The following CLSTN1 variants were observed in gnomAD, a reference collection of about 807,000 sequenced individuals.
The protein encoded by CLSTN1 is calsyntenin-1.
In CLSTN1, 28 loss-of-function variants were observed where a neutral mutation model predicts 108.3. That is an observed-to-expected ratio of 0.26 (90% CI 0.19 to 0.35). The LOEUF (loss-of-function observed/expected upper bound fraction) is 0.35. CLSTN1 is among the 10% of genes least tolerant of loss of function. The pLI, the probability that CLSTN1 is intolerant of heterozygous loss-of-function variation, is 1.00. For missense variants in CLSTN1, 1,157 were observed against 1,302.6 expected, an observed-to-expected ratio of 0.89 and a Z score of 1.72; for synonymous variants, 524 against 534.9, an observed-to-expected ratio of 0.98 and a Z score of 0.28.
intron 7 of CLSTN1, among the ~76,000 whole-genome samples, chr1:9,747,176 CAAAAAAA>C (rs70998306): frequency 3.7e-4 from 12 of 32,724 alleles, no homozygotes; most frequent in Admixed American, 1.4e-3. Flanking sequence ...GAGACTGTCT[CAAAAAAA>C]AAAAAAAAAA....
chr1:9,823,517 G>T lies in CLSTN1; in HGVS notation c.91+126C>A. The T allele has an allele frequency of 2.0e-6, 1 of 504,750 alleles. No homozygotes were observed. Among genetic ancestry groups the T allele is most frequent in the Non-Finnish European group, 2.7e-6 (1 of 374,936 alleles). The allele number at this position is 504,750 out of a possible 1,614,324, so 31.3% of individuals were successfully genotyped here. On this transcript the variant is annotated intron_variant, in intron 1 of 18. Coordinates refer to ENST00000377298, the MANE Select transcript of CLSTN1 (RefSeq NM_001009566.3). The surrounding 1 kb of genome is among the most constrained non-coding windows in gnomAD (Gnocchi z 6.3). Reference sequence around the variant, plus strand: ...CTCGGACCCGACTCCCCGCATCCCGGCTCGAATCCCGGCATCCGGCCCTAC... The same window carrying T: ...CTCGGACCCGACTCCCCGCATCCCGTCTCGAATCCCGGCATCCGGCCCTAC...
At chr1:9,773,564 A>T (rs1652793575) in intron 1 of CLSTN1, among the ~76,000 whole-genome samples, 170 bp from the exon 2 acceptor site, 1 of 152,188 alleles carries the variant, frequency 6.6e-6, no homozygotes, top group Non-Finnish European at 1.5e-5. Flanking sequence ...AATGAGATGA[A>T]ATTCTAAATT....
intron 1 of CLSTN1, among the ~76,000 whole-genome samples, chr1:9,797,533 T>A (rs1654064224): frequency 6.6e-6 from 1 of 151,614 alleles, no homozygotes; most frequent in South Asian, 2.1e-4. Context: ...CTCATCTACT[T>A]GGGAGGCTCA....
At chr1:9,812,477 A>G (rs1253475313) in intron 1 of CLSTN1, among the ~76,000 whole-genome samples, 1 of 152,154 alleles carries the variant, frequency 6.6e-6, no homozygotes, top group African/African-American at 2.4e-5. Context: ...TCTGTCATCT[A>G]GTTTTATCAA....
intron 17 of CLSTN1, 138 bp downstream of exon 17, chr1:9,731,623 T>G: frequency 1.0e-6 from 1 of 984,796 alleles, no homozygotes; most frequent in South Asian, 1.5e-5. Context: ...GGCTTTAGTT[T>G]CCTTGTGTGT....
At chr1:9,735,372 A>C in intron 13 of CLSTN1, 95 bp downstream of exon 13, 1 of 1,538,152 alleles carries the variant, frequency 6.5e-7, no homozygotes, top group Admixed American at 1.7e-5. Flanking sequence ...ACGATGGCTC[A>C]CCTTTCCTTA....
chr1:9,743,752 T>G, intron 9 of CLSTN1, 132 bp downstream of exon 9: 1 of 936,882 alleles, frequency 1.1e-6, no homozygotes, highest in Non-Finnish European at 1.6e-6. Context: ...GGACAGGATC[T>G]TAGTAATGTT....
intron 2 of CLSTN1, among the ~76,000 whole-genome samples, chr1:9,758,902 G>GCCTCT (rs1207252370): frequency 6.6e-6 from 1 of 152,160 alleles, no homozygotes; most frequent in Non-Finnish European, 1.5e-5. Context: ...GTCTACAAGA[G>GCCTCT]CCTCTGTACG....
chr1:9,799,232 A>G (rs1654145708), intron 1 of CLSTN1, among the ~76,000 whole-genome samples: 1 of 152,070 alleles, frequency 6.6e-6, no homozygotes, highest in African/African-American at 2.4e-5. Context: ...AGGCAAATAC[A>G]CAAGGAATCA....
chr1:9,733,962 C>T lies in CLSTN1; in HGVS notation c.2281+10G>A, dbSNP rs2101076046. The T allele has an allele frequency of 1.2e-6, 2 of 1,603,576 alleles. No homozygotes were observed. Among genetic ancestry groups the T allele is most frequent in the Admixed American group, 1.7e-5 (1 of 58,776 alleles). ...CTGGCCCACCTGCGTGGCTGCAGCG[C>T]TCCCCTTACCTGTGAAGGTCATGCC... On this transcript the variant is annotated intron_variant, in intron 15 of 18. Coordinates refer to ENST00000377298, the MANE Select transcript of CLSTN1 (RefSeq NM_001009566.3).
Position 9,741,077 on chromosome 1 carries a change from G to A in CLSTN1, c.1519+17C>T, listed in dbSNP as rs777175527. Reference sequence around the variant, plus strand: ...AACTTAATTCTCGAGTCGAGGGCGGGGGGTAATGACAGGTACCTTGCCAGC... The same window carrying A: ...AACTTAATTCTCGAGTCGAGGGCGGAGGGTAATGACAGGTACCTTGCCAGC... On this transcript the variant is annotated intron_variant, in intron 10 of 18. Coordinates refer to ENST00000377298, the MANE Select transcript of CLSTN1 (RefSeq NM_001009566.3). The A allele has an allele frequency of 1.4e-5, 23 of 1,607,634 alleles. No individual in the cohort carries two copies. The highest frequency in any genetic ancestry group is 4.5e-5 in the East Asian group (2 of 44,724).
intron 2 of CLSTN1, among the ~76,000 whole-genome samples, chr1:9,767,309 G>A (rs546426990): frequency 2.1e-4 from 32 of 152,290 alleles, no homozygotes; most frequent in Admixed American, 1.6e-3. Context: ...TTGGGAGGCC[G>A]AGGCGGGCAG....
At position 9,749,449 on chromosome 1, in the gene CLSTN1, T is replaced by C; in HGVS notation, c.985+12A>G. On this transcript the variant is annotated intron_variant, in intron 7 of 18. Coordinates refer to ENST00000377298, the MANE Select transcript of CLSTN1 (RefSeq NM_001009566.3). ...AAAGCCAGCCGGATGCAAGAACGCC[T>C]GGTCTCCTTACCACAGAGCCGGTGG... The C allele has an allele frequency of 6.3e-7, 1 of 1,595,384 alleles. No homozygotes were observed. Among genetic ancestry groups the C allele is most frequent in the Non-Finnish European group, 8.5e-7 (1 of 1,173,626 alleles).
At chr1:9,822,607 T>C (rs141469659) in intron 1 of CLSTN1, among the ~76,000 whole-genome samples, 1 of 152,190 alleles carries the variant, frequency 6.6e-6, no homozygotes, top group African/African-American at 2.4e-5. Context: ...CCTAGATTAC[T>C]CTGCTCTAAG....
Position 9,729,433 on chromosome 1 carries a change from G to C in CLSTN1, c.*1075C>G, listed in dbSNP as rs1279774630. ...CCCCTGATGGCAGGGGGTGCTCTGG[G>C]GAGGAGAGAGGAGAGAACAGGCTGT... On this transcript the variant is annotated 3_prime_UTR_variant, in exon 19 of 19. Coordinates refer to ENST00000377298, the MANE Select transcript of CLSTN1 (RefSeq NM_001009566.3). The C allele has an allele frequency of 6.6e-6, 1 of 152,640 alleles. No individual in the cohort carries two copies. Among genetic ancestry groups the C allele is most frequent in the East Asian group, 1.9e-4 (1 of 5,196 alleles). The allele number at this position is 152,640 out of a possible 1,614,324, so 9.5% of individuals were successfully genotyped here. A position where few individuals can be genotyped will look rare whatever the true frequency, so the allele number is the denominator to read the frequency against.
chr1:9,749,128 T>G (rs956643895), intron 7 of CLSTN1, among the ~76,000 whole-genome samples: 2 of 152,184 alleles, frequency 1.3e-5, no homozygotes, highest in East Asian at 3.9e-4. Context: ...GGTCTCAAAC[T>G]CCTGGGCTCA....
At chr1:9,787,000 G>A (rs1202690340) in intron 1 of CLSTN1, among the ~76,000 whole-genome samples, 2 of 151,476 alleles carry the variant, frequency 1.3e-5, no homozygotes, top group East Asian at 3.9e-4. Context: ...AGGGTAGGAT[G>A]CCAGGAGAGT....
chr1:9,733,844 C>T (rs950485844), intron 15 of CLSTN1, 128 bp downstream of exon 15: 16 of 985,966 alleles, frequency 1.6e-5, no homozygotes, highest in Non-Finnish European at 2.1e-5. Context: ...TCCCAGCGAA[C>T]GTGCTCCTTC....
intron 1 of CLSTN1, among the ~76,000 whole-genome samples, chr1:9,809,860 C>G (rs1654657314): frequency 6.6e-6 from 1 of 150,972 alleles, no homozygotes. Flanking sequence ...GAGATCACAC[C>G]ACCGCACTCT....
Sources: allele counts gnomAD v4.1 joint callset (sites outside exome capture counted in the v4.1 genomes callset), GRCh38; gene constraint gnomAD v4.1.1; non-coding constraint Gnocchi (gnomAD v3.1); transcripts MANE v1.5; gene names NCBI Gene and HGNC (gene_info 2026-07-23, HGNC 2026-07-21).